The following HGH1 variants were observed in gnomAD, a reference collection of about 807,000 sequenced individuals.
The protein encoded by HGH1 is HGH1 cochaperone, also known as co-chaperone protein HGH1 homolog.
HGH1 carries 31 observed loss-of-function variants against 31.7 expected under a neutral mutation model. The ratio of observed to expected loss-of-function variants is 0.98; its 90% CI spans 0.73 to 1.32. The LOEUF (loss-of-function observed/expected upper bound fraction) is 1.32, where lower values mean the gene tolerates loss of function less well. Ranked by LOEUF, HGH1 falls within the 40% of genes most tolerant of loss-of-function variation. The pLI is 0.00. For synonymous variants in HGH1, 284 were observed against 293.6 expected, an observed-to-expected ratio of 0.97 and a Z score of 0.34; for missense variants, 618 against 594.4, an observed-to-expected ratio of 1.04 and a Z score of -0.41.
At position 144,138,429 on chromosome 8, in the gene HGH1, G is replaced by C; in HGVS notation, c.593+1G>C. The stretch of plus-strand genomic sequence containing the variant: ...GGGCCTTCCTACTGGACCCCGACAG[G>C]TGAAGCCCAGGGCGCCCGCGCGGGC... On this transcript the variant is annotated splice_donor_variant, in intron 1 of 5. Transcript: ENST00000347708. LOFTEE classifies it high-confidence loss of function. The C allele has an allele frequency of 1.3e-6, 2 of 1,588,634 alleles. No individual in the cohort carries two copies. The highest frequency in any genetic ancestry group is 1.1e-5 in the South Asian group (1 of 89,482).
intron 4 of HGH1, 36 bp downstream of exon 4, chr8:144,139,136 AACAC>A: frequency 6.2e-7 from 1 of 1,613,938 alleles, no homozygotes; most frequent in South Asian, 1.1e-5. Context: ...GCACCACCCC[AACAC>A]ACACACATGA....
At position 144,140,031 on chromosome 8, in the gene HGH1, G is replaced by A. The variant is rs1815166559; in HGVS notation, c.*479G>A. The A allele has an allele frequency of 1.3e-5, 3 of 237,190 alleles. No individual in the cohort carries two copies. The highest frequency in any genetic ancestry group is 1.1e-4 in the South Asian group (2 of 17,930). 14.7% of individuals were successfully genotyped at this position (237,190 alleles called of 1,614,324 possible). A position where few individuals can be genotyped will look rare whatever the true frequency, so the allele number is the denominator to read the frequency against. On this transcript the variant is annotated 3_prime_UTR_variant, in exon 6 of 6. Transcript: ENST00000347708. The stretch of plus-strand genomic sequence containing the variant: ...TCAGCTCCCTGTTCCCTGAGACCTG[G>A]CCTCAAAGGGCTGACCCAGCCATAC...
Sources: allele counts gnomAD v4.1 joint callset, GRCh38; gene constraint gnomAD v4.1.1; transcripts MANE v1.5; gene names NCBI Gene and HGNC (gene_info 2026-07-23, HGNC 2026-07-21).